The following PRKCE variants were observed in gnomAD, a reference collection of about 807,000 sequenced individuals.
PRKCE encodes protein kinase C epsilon type.
In PRKCE, 16 loss-of-function variants were observed where a neutral mutation model predicts 85.4. The observed-to-expected ratio is 0.19, with a 90% CI of 0.13 to 0.28. PRKCE has a LOEUF of 0.28. Among genes scored for constraint, PRKCE ranks in the 10% least tolerant of loss-of-function variants. The pLI is 1.00. For missense variants in PRKCE, 573 were observed against 975.2 expected (o/e 0.59, Z 5.49); for synonymous variants, 388 against 371.5 (o/e 1.04, Z -0.51).
intron 11 of PRKCE, among the ~76,000 whole-genome samples, chr2:46,127,273 C>T (rs1008284737): frequency 2.6e-5 from 4 of 152,106 alleles, no homozygotes; most frequent in Non-Finnish European, 5.9e-5. Flanking sequence ...TACAGTGTCC[C>T]GCACAGTGAG....
chr2:45,845,155 G>T (rs527961485), intron 2 of PRKCE, among the ~76,000 whole-genome samples: 48 of 151,024 alleles, frequency 3.2e-4, no homozygotes, highest in South Asian at 2.1e-3. Context: ...CTGAGAAGCT[G>T]CTCTTGTTGT....
chr2:46,077,041 T>C (rs769010855), intron 10 of PRKCE, among the ~76,000 whole-genome samples: 5 of 152,088 alleles, frequency 3.3e-5, no homozygotes, highest in African/African-American at 7.2e-5. Context: ...GTTTCAGTTA[T>C]GAAGGATGAT....
intron 2 of PRKCE, among the ~76,000 whole-genome samples, chr2:45,901,321 T>G (rs1696566531): frequency 6.6e-6 from 1 of 152,210 alleles, no homozygotes; most frequent in African/African-American, 2.4e-5. Context: ...TTAAAATGGT[T>G]CTTACCCAAG....
At chr2:46,062,272 G>C (rs960969731) in intron 10 of PRKCE, among the ~76,000 whole-genome samples, 1 of 152,184 alleles carries the variant, frequency 6.6e-6, no homozygotes, top group Non-Finnish European at 1.5e-5. Flanking sequence ...CTTTTGTTGA[G>C]GATAGGGTTT....
intron 2 of PRKCE, among the ~76,000 whole-genome samples, chr2:45,945,153 C>T (rs866830925): frequency 3.9e-5 from 6 of 152,158 alleles, no homozygotes; most frequent in South Asian, 2.1e-4. Context: ...CTGGGGAAGG[C>T]TGCTGTGTGA....
At chr2:46,044,899 G>C (rs1341567713) in intron 10 of PRKCE, among the ~76,000 whole-genome samples, 1 of 152,184 alleles carries the variant, frequency 6.6e-6, no homozygotes, top group Non-Finnish European at 1.5e-5. Context: ...ACTCCACGTG[G>C]TGTGTGATTC....
intron 2 of PRKCE, among the ~76,000 whole-genome samples, chr2:45,959,688 T>A (rs989510296): frequency 2.0e-5 from 3 of 152,198 alleles, no homozygotes; most frequent in Admixed American, 1.3e-4. Flanking sequence ...ACAAACTTTT[T>A]GTTCCCAGAG....
chr2:45,980,879 C>T (rs1702838018), intron 5 of PRKCE, among the ~76,000 whole-genome samples: 1 of 152,200 alleles, frequency 6.6e-6, no homozygotes, highest in Admixed American at 6.5e-5. Context: ...CTGATTGAAG[C>T]ACTTTAACAT....
At chr2:46,112,762 C>G (rs947847336) in intron 11 of PRKCE, among the ~76,000 whole-genome samples, 5 of 152,248 alleles carry the variant, frequency 3.3e-5, no homozygotes, top group African/African-American at 1.2e-4. Flanking sequence ...TCAAGTGATC[C>G]ACCCACCTTG....
At chr2:46,065,097 C>T (rs1033340984) in intron 10 of PRKCE, among the ~76,000 whole-genome samples, 10 of 152,080 alleles carry the variant, frequency 6.6e-5, no homozygotes, top group African/African-American at 1.7e-4. Flanking sequence ...ACAGATTATA[C>T]GATAATAATT....
chr2:45,680,470 G>A (rs767161596), intron 1 of PRKCE, among the ~76,000 whole-genome samples: 1 of 152,172 alleles, frequency 6.6e-6, no homozygotes, highest in Non-Finnish European at 1.5e-5. Context: ...GCGCAAACTT[G>A]TTTCTTTAAC....
At chr2:45,959,188 G>A (rs556887265) in intron 2 of PRKCE, among the ~76,000 whole-genome samples, 196 of 152,208 alleles carry the variant, frequency 1.3e-3, no homozygotes, top group South Asian at 2.7e-3. Context: ...GGTCTTGCCT[G>A]TTTGACAGTA....
At chr2:46,125,973 A>T (rs896049676) in intron 11 of PRKCE, among the ~76,000 whole-genome samples, 21 of 152,232 alleles carry the variant, frequency 1.4e-4, no homozygotes, top group African/African-American at 4.3e-4. Context: ...AGCATGGCAG[A>T]TGTAAGCAGC....
At chr2:45,810,570 C>G (rs1688584426) in intron 1 of PRKCE, among the ~76,000 whole-genome samples, 1 of 151,938 alleles carries the variant, frequency 6.6e-6, no homozygotes, top group African/African-American at 2.4e-5. Context: ...TTAACTTCAT[C>G]TCCATTGGAC....
chr2:45,678,569 G>A (rs1676649745), intron 1 of PRKCE, among the ~76,000 whole-genome samples: 1 of 146,410 alleles, frequency 6.8e-6, no homozygotes, highest in African/African-American at 2.5e-5. Flanking sequence ...ATCATGTGAG[G>A]ACATTTTATA....
intron 1 of PRKCE, among the ~76,000 whole-genome samples, chr2:45,702,324 G>A (rs957844032): frequency 5.3e-5 from 8 of 152,286 alleles, no homozygotes; most frequent in East Asian, 1.9e-4. Context: ...TGGGCAGCCC[G>A]GAATACTAGT....
intron 1 of PRKCE, among the ~76,000 whole-genome samples, chr2:45,657,988 G>T (rs746488061): frequency 1.3e-5 from 2 of 152,200 alleles, no homozygotes; most frequent in Non-Finnish European, 2.9e-5. Context: ...ACCGCACTTT[G>T]ATATATGTTA....
At chr2:46,170,289 T>C (rs965400791) in intron 14 of PRKCE, among the ~76,000 whole-genome samples, 1 of 152,220 alleles carries the variant, frequency 6.6e-6, no homozygotes, top group African/African-American at 2.4e-5. Context: ...TGGAGCCACA[T>C]AGCATGTACT....
At chr2:45,971,892 G>C (rs1280542817) in intron 2 of PRKCE, among the ~76,000 whole-genome samples, 1 of 152,092 alleles carries the variant, frequency 6.6e-6, no homozygotes, top group African/African-American at 2.4e-5. Context: ...TCCATGTCTT[G>C]GCTATTGTGA....
Sources: gnomAD v4.1 joint callset for allele counts (sites outside exome capture counted in the v4.1 genomes callset) on GRCh38, gnomAD v4.1.1 for gene constraint, MANE v1.5 for transcripts, NCBI Gene and HGNC (gene_info 2026-07-23, HGNC 2026-07-21) for gene names.